The following CYRIA variants were observed in gnomAD, a reference collection of about 807,000 sequenced individuals.
The protein encoded by CYRIA is CYFIP-related Rac1 interactor A.
Under a neutral mutation model 43.9 loss-of-function variants are expected in CYRIA, and 15 were observed. That is an observed-to-expected ratio of 0.34 (90% CI 0.23 to 0.53). The LOEUF is 0.53. Among genes scored for constraint, CYRIA ranks in the 20% least tolerant of loss-of-function variants. The pLI, the probability that CYRIA is intolerant of heterozygous loss-of-function variation, is 0.94. For synonymous variants in CYRIA, 117 were observed against 136.0 expected (o/e 0.86, Z 0.97); for missense variants, 236 against 394.2 (o/e 0.60, Z 3.40).
At chr2:16,587,175 A>G (rs567314179) in intron 3 of CYRIA, among the ~76,000 whole-genome samples, 22 of 152,288 alleles carry the variant, frequency 1.4e-4, no homozygotes, top group Non-Finnish European at 2.8e-4. Context: ...GAATAAAGGA[A>G]ATGACTAAAA....
Position 16,651,312 on chromosome 2 carries a change from A to G in CYRIA, c.-167+14468T>C, listed in dbSNP as rs79344655. 4.6e-5 allele frequency among the ~76,000 whole-genome samples: 7 copies of G among 152,314 alleles called. 1 individual carries two copies. The East Asian group carries it at 1.3e-3, about 29-fold the overall frequency. ...TTTGCCTTCTTATACTGTCATATCA[A>G]CTACATTAAATTATCATCCTAGAAA... On this transcript the variant is annotated intron_variant, in intron 1 of 11. Transcript: ENST00000381323.
At chr2:16,553,628 T>C (rs912162204) in intron 11 of CYRIA, among the ~76,000 whole-genome samples, 2 of 152,168 alleles carry the variant, frequency 1.3e-5, no homozygotes, top group Non-Finnish European at 2.9e-5. Flanking sequence ...CTTCATTTTA[T>C]AGAAAAGAAA....
At position 16,600,342 on chromosome 2, in the gene CYRIA, T is replaced by C. The variant is rs187950082; in HGVS notation, c.-10-12213A>G. ...ACAGCAAAATAAAAGGAAAAAGCAATGCCTATCCCACGAAAAGGCAATCTG... is the reference window on the plus strand; with the variant it reads ...ACAGCAAAATAAAAGGAAAAAGCAACGCCTATCCCACGAAAAGGCAATCTG... On this transcript the variant is annotated intron_variant, in intron 2 of 11. Coordinates refer to ENST00000381323, the MANE Select transcript of CYRIA (RefSeq NM_030797.4). Among the ~76,000 whole-genome samples the C allele has an allele frequency of 3.9e-5, 6 of 152,340 alleles. No individual in the cohort carries two copies. The East Asian group carries it at 9.6e-4, about 24-fold the overall frequency.
intron 4 of CYRIA, among the ~76,000 whole-genome samples, chr2:16,565,149 C>T (rs1241661829): frequency 6.7e-6 from 1 of 150,246 alleles, no homozygotes; most frequent in Non-Finnish European, 1.5e-5. Context: ...GATTAATGCA[C>T]TAGAATAAAA....
chr2:16,602,919 C>G (rs1011169854), intron 2 of CYRIA, among the ~76,000 whole-genome samples: 1 of 151,996 alleles, frequency 6.6e-6, no homozygotes, highest in African/African-American at 2.4e-5. Flanking sequence ...TTCCTTCCTT[C>G]TCAATTTGAT....
At chr2:16,591,425 T>A (rs1217829277) in intron 2 of CYRIA, among the ~76,000 whole-genome samples, 1 of 152,144 alleles carries the variant, frequency 6.6e-6, no homozygotes, top group Non-Finnish European at 1.5e-5. Context: ...GAAGTACAGT[T>A]TTTTTAACTG....
chr2:16,565,775 A>G lies in CYRIA; in HGVS notation c.71-8T>C. The G allele has an allele frequency of 6.4e-7, 1 of 1,556,242 alleles. No individual in the cohort carries two copies. Among genetic ancestry groups the G allele is most frequent in the Non-Finnish European group, 8.8e-7 (1 of 1,138,138 alleles). On this transcript the variant is annotated splice_polypyrimidine_tract_variant and splice_region_variant and intron_variant, in intron 3 of 11. Coordinates refer to ENST00000381323, the MANE Select transcript of CYRIA (RefSeq NM_030797.4). Reference sequence around the variant, plus strand: ...CTTCTGTAGGCTGAGCATCTAAGAAACAGGGAAACCGAGAGACAGAGTGCT... The same window carrying G: ...CTTCTGTAGGCTGAGCATCTAAGAAGCAGGGAAACCGAGAGACAGAGTGCT...
At chr2:16,588,992 T>C (rs1345069137) in intron 2 of CYRIA, among the ~76,000 whole-genome samples, 1 of 152,152 alleles carries the variant, frequency 6.6e-6, no homozygotes, top group African/African-American at 2.4e-5. Flanking sequence ...GTAGGGCTTT[T>C]TTTAATAAAC....
intron 2 of CYRIA, among the ~76,000 whole-genome samples, chr2:16,614,708 G>A (rs1270948400): frequency 1.3e-5 from 2 of 152,152 alleles, no homozygotes. Flanking sequence ...AGGTCCTCTG[G>A]TACTCAGTGG....
chr2:16,570,600 A>G (rs1667095244), intron 3 of CYRIA, among the ~76,000 whole-genome samples: 1 of 152,222 alleles, frequency 6.6e-6, no homozygotes, highest in Non-Finnish European at 1.5e-5. Flanking sequence ...TCGTGGAAAG[A>G]CATCTTGAAA....
chr2:16,598,350 A>C (rs369488068), intron 2 of CYRIA, among the ~76,000 whole-genome samples: 151 of 82,968 alleles, frequency 1.8e-3, no homozygotes, highest in Non-Finnish European at 2.8e-3. Context: ...TCCATTCTCC[A>C]CATCACTTTC....
At chr2:16,631,432 G>T (rs1286828603) in intron 1 of CYRIA, among the ~76,000 whole-genome samples, 1 of 152,226 alleles carries the variant, frequency 6.6e-6, no homozygotes, top group African/African-American at 2.4e-5. Flanking sequence ...TTGTCAGGCT[G>T]TGGAGGACTT....
chr2:16,609,945 C>T (rs1269383481), intron 2 of CYRIA, among the ~76,000 whole-genome samples: 1 of 152,214 alleles, frequency 6.6e-6, no homozygotes, highest in Admixed American at 6.5e-5. Flanking sequence ...CTGCATCTCG[C>T]TTCCATCTGG....
chr2:16,582,775 G>T (rs1667593450), intron 3 of CYRIA, among the ~76,000 whole-genome samples: 2 of 152,056 alleles, frequency 1.3e-5, no homozygotes, highest in African/African-American at 4.8e-5. Context: ...TGGGCATTTG[G>T]GTTGTTCCCA....
intron 10 of CYRIA, among the ~76,000 whole-genome samples, chr2:16,558,663 CTTCA>C (rs892205503): frequency 9.2e-5 from 14 of 152,266 alleles, no homozygotes; most frequent in African/African-American, 3.4e-4. Context: ...TTTCAATTAT[CTTCA>C]TTCATTCATT....
chr2:16,630,034 C>T (rs766949191), intron 1 of CYRIA, among the ~76,000 whole-genome samples: 3 of 152,132 alleles, frequency 2.0e-5, no homozygotes, highest in Non-Finnish European at 4.4e-5. Flanking sequence ...GAGGCCAACA[C>T]GCCGGTGATG....
intron 1 of CYRIA, among the ~76,000 whole-genome samples, chr2:16,639,636 T>A (rs1558438645): frequency 6.6e-6 from 1 of 152,236 alleles, no homozygotes. Flanking sequence ...CCATTGTGCA[T>A]TTTGCAAAAC....
intron 1 of CYRIA, among the ~76,000 whole-genome samples, chr2:16,629,463 G>A (rs528665381): frequency 2.0e-5 from 3 of 152,338 alleles, no homozygotes; most frequent in Admixed American, 6.5e-5. Context: ...CATCAATACA[G>A]GTAAAGTGCA....
At chr2:16,588,786 T>A (rs145403915) in intron 2 of CYRIA, among the ~76,000 whole-genome samples, 216 of 152,232 alleles carry the variant, frequency 1.4e-3, no homozygotes, top group Non-Finnish European at 2.6e-3. Flanking sequence ...AGTTAGAGGA[T>A]CTTGTGATCT....
Sources: allele counts gnomAD v4.1 joint callset (sites outside exome capture counted in the v4.1 genomes callset), GRCh38; gene constraint gnomAD v4.1.1; transcripts MANE v1.5; gene names NCBI Gene and HGNC (gene_info 2026-07-23, HGNC 2026-07-21).